SEMA5A: variants seen among roughly 807,000 people sequenced by gnomAD.
SEMA5A encodes semaphorin 5A.
In SEMA5A, 55 loss-of-function variants were observed where a neutral mutation model predicts 135.5. The ratio of observed to expected loss-of-function variants is 0.41; its 90% CI spans 0.33 to 0.51. The LOEUF (loss-of-function observed/expected upper bound fraction) is 0.51, where lower values mean the gene tolerates loss of function less well. Ranked by LOEUF, SEMA5A falls within the 20% of genes least tolerant of loss-of-function variation. The pLI is 0.37. For missense variants in SEMA5A, 1,290 were observed against 1,419.9 expected (o/e 0.91, Z 1.47); for synonymous variants, 580 against 546.5 (o/e 1.06, Z -0.85).
intron 1 of SEMA5A, among the ~76,000 whole-genome samples, chr5:9,533,263 C>G (rs957424531): frequency 6.6e-6 from 1 of 152,190 alleles, no homozygotes; most frequent in African/African-American, 2.4e-5. Context: ...TTTCAACTTA[C>G]TGTGGCATCA....
At chr5:9,269,041 CTA>C (rs1749831771) in intron 5 of SEMA5A, among the ~76,000 whole-genome samples, 1 of 152,106 alleles carries the variant, frequency 6.6e-6, no homozygotes, top group Non-Finnish European at 1.5e-5. Flanking sequence ...GTTGCAAGAT[CTA>C]TAGGCTGATA....
intron 1 of SEMA5A, among the ~76,000 whole-genome samples, chr5:9,453,141 T>G (rs1758707915): frequency 6.6e-6 from 1 of 152,208 alleles, no homozygotes; most frequent in Non-Finnish European, 1.5e-5. Flanking sequence ...TAATTGAGAT[T>G]CATAAAAGAA....
chr5:9,527,493 C>T (rs1041051641), intron 1 of SEMA5A, among the ~76,000 whole-genome samples: 5 of 152,226 alleles, frequency 3.3e-5, no homozygotes, highest in African/African-American at 9.7e-5. Context: ...TCTTCCTTCT[C>T]GCTCTCTGTG....
chr5:9,073,204 A>C lies in SEMA5A; in HGVS notation c.2074-6558T>G, dbSNP rs566128768. Among the ~76,000 whole-genome samples, 4 of 152,268 alleles carry C rather than the reference A, an allele frequency of 2.6e-5. No individual in the cohort carries two copies. The East Asian group carries it at 7.7e-4, about 29-fold the overall frequency. ...ATTCCTCATGAATGTAGATGTTAACATTCTTAAAAAGAATTTAAGAAATCA... is the reference window on the plus strand; with the variant it reads ...ATTCCTCATGAATGTAGATGTTAACCTTCTTAAAAAGAATTTAAGAAATCA... On this transcript the variant is annotated intron_variant, in intron 16 of 22. Transcript: ENST00000382496.
intron 11 of SEMA5A, among the ~76,000 whole-genome samples, chr5:9,162,585 T>TATATATATATATATATAC (rs370982773): frequency 1.8e-5 from 2 of 112,062 alleles, no homozygotes; most frequent in African/African-American, 4.3e-5. Flanking sequence ...TATATATATA[T>TATATATATATATATATAC]ACACACACAC....
intron 10 of SEMA5A, among the ~76,000 whole-genome samples, chr5:9,192,584 G>A (rs1199904297): frequency 2.0e-5 from 3 of 152,102 alleles, no homozygotes; most frequent in African/African-American, 4.8e-5. Context: ...AATTGGGGGG[G>A]GGAGGGGATG....
intron 11 of SEMA5A, among the ~76,000 whole-genome samples, chr5:9,175,817 T>C (rs1243600901): frequency 2.0e-5 from 3 of 152,082 alleles, no homozygotes; most frequent in Admixed American, 1.3e-4. Context: ...AGGAAAACCA[T>C]TTTACATTTA....
At chr5:9,284,602 T>C (rs1029896009) in intron 5 of SEMA5A, among the ~76,000 whole-genome samples, 2 of 152,158 alleles carry the variant, frequency 1.3e-5, no homozygotes, top group Non-Finnish European at 2.9e-5. Flanking sequence ...CAATCACAAG[T>C]GATGGTATTT....
chr5:9,439,502 C>T (rs1404529916), intron 1 of SEMA5A, among the ~76,000 whole-genome samples: 1 of 152,158 alleles, frequency 6.6e-6, no homozygotes, highest in East Asian at 1.9e-4. Flanking sequence ...TCTGTAAGTT[C>T]CCATGTCTCA....
chr5:9,202,301 G>C (rs1415045188), intron 8 of SEMA5A, 61 bp from the exon 9 acceptor site: 4 of 1,551,796 alleles, frequency 2.6e-6, no homozygotes, highest in Non-Finnish European at 3.5e-6. Flanking sequence ...TTTTGGTCTT[G>C]CCTGCTCAGT....
intron 5 of SEMA5A, among the ~76,000 whole-genome samples, chr5:9,313,961 C>T (rs1752277960): frequency 6.6e-6 from 1 of 152,136 alleles, no homozygotes; most frequent in African/African-American, 2.4e-5. Context: ...GGAGGTGAAC[C>T]TCTGTCCTGC....
At chr5:9,150,608 A>G (rs1742581387) in intron 12 of SEMA5A, among the ~76,000 whole-genome samples, 1 of 152,108 alleles carries the variant, frequency 6.6e-6, no homozygotes, top group African/African-American at 2.4e-5. Flanking sequence ...CTGATCAGTC[A>G]CAACACACGT....
intron 3 of SEMA5A, among the ~76,000 whole-genome samples, chr5:9,340,393 A>T (rs1408516845): frequency 6.6e-6 from 1 of 152,208 alleles, no homozygotes; most frequent in East Asian, 1.9e-4. Flanking sequence ...TGAGCCTCTA[A>T]GAGGAAAAAA....
At chr5:9,383,119 T>A (rs1324784112) in intron 2 of SEMA5A, among the ~76,000 whole-genome samples, 2 of 152,224 alleles carry the variant, frequency 1.3e-5, no homozygotes, top group Non-Finnish European at 2.9e-5. Flanking sequence ...ATGCTCATTG[T>A]CCCTGGATTA....
intron 5 of SEMA5A, among the ~76,000 whole-genome samples, chr5:9,272,406 C>G (rs980780970): frequency 8.5e-5 from 13 of 152,116 alleles, no homozygotes; most frequent in Admixed American, 8.5e-4. Flanking sequence ...GGACAGAGCA[C>G]CTGGGGGAAG....
At chr5:9,051,822 C>G in intron 20 of SEMA5A, 51 bp downstream of exon 20, 1 of 1,606,208 alleles carries the variant, frequency 6.2e-7, no homozygotes, top group Non-Finnish European at 8.5e-7. Flanking sequence ...CATTTTCTCT[C>G]TCCATGTTGG....
intron 16 of SEMA5A, among the ~76,000 whole-genome samples, chr5:9,104,676 C>T (rs1739809987): frequency 6.6e-6 from 1 of 152,152 alleles, no homozygotes; most frequent in Admixed American, 6.5e-5. Context: ...AGAAGTAGAA[C>T]AGCAGGTCAA....
chr5:9,163,630 T>C (rs926720912), intron 11 of SEMA5A, among the ~76,000 whole-genome samples: 1 of 152,202 alleles, frequency 6.6e-6, no homozygotes, highest in Non-Finnish European at 1.5e-5. Context: ...AAAAGTCATA[T>C]GTTTAAGTCC....
rs149536119 is a variant in SEMA5A at position 9,345,681 on chromosome 5, C to A, written c.125-7869G>T. Among the ~76,000 whole-genome samples, 221 of 152,286 alleles carry A rather than the reference C, an allele frequency of 1.5e-3. 1 individual carries two copies. The highest frequency in any genetic ancestry group is 5.0e-3 in the African/African-American group (209 of 41,566). On this transcript the variant is annotated intron_variant, in intron 3 of 22. Coordinates refer to ENST00000382496, the MANE Select transcript of SEMA5A (RefSeq NM_003966.3). The stretch of plus-strand genomic sequence containing the variant: ...GGCCATCCCACTCAGCAAGCATCCT[C>A]CTTCAAACTACCCAGTATAAGAACA...
Sources: allele counts gnomAD v4.1 joint callset (sites outside exome capture counted in the v4.1 genomes callset), GRCh38; gene constraint gnomAD v4.1.1; transcripts MANE v1.5; gene names NCBI Gene and HGNC (gene_info 2026-07-23, HGNC 2026-07-21).